CDC73: variants seen among roughly 807,000 people sequenced by gnomAD.
CDC73 encodes parafibromin.
Under a neutral mutation model 83.7 loss-of-function variants are expected in CDC73, and 21 were observed. The observed-to-expected ratio is 0.25, with a 90% CI of 0.18 to 0.36. CDC73 has a LOEUF of 0.36. Ranked by LOEUF, CDC73 falls within the 10% of genes least tolerant of loss-of-function variation. The probability of loss-of-function intolerance (pLI) is 1.00; values close to 1 mark genes in which losing one functional copy is unlikely to be tolerated. For synonymous variants in CDC73, 224 were observed against 212.9 expected, an observed-to-expected ratio of 1.05 and a Z score of -0.45; for missense variants, 342 against 653.3, an observed-to-expected ratio of 0.52 and a Z score of 5.19.
At chr1:193,203,408 T>G (rs1367563171) in intron 10 of CDC73, among the ~76,000 whole-genome samples, 2 of 152,208 alleles carry the variant, frequency 1.3e-5, no homozygotes, top group Non-Finnish European at 2.9e-5. Flanking sequence ...ATATATCATT[T>G]ATTTATTTTG....
At chr1:193,220,860 A>T (rs935091419) in intron 13 of CDC73, among the ~76,000 whole-genome samples, 6 of 152,332 alleles carry the variant, frequency 3.9e-5, no homozygotes, top group African/African-American at 1.4e-4. Flanking sequence ...AGATATGATA[A>T]TATAACAGAA....
chr1:193,172,807 A>G (rs901228755), intron 10 of CDC73, among the ~76,000 whole-genome samples: 2 of 152,174 alleles, frequency 1.3e-5, no homozygotes, highest in African/African-American at 2.4e-5. Context: ...ACTTAAGACT[A>G]TAAGATTATT....
At chr1:193,159,205 T>G (rs186134477) in intron 10 of CDC73, among the ~76,000 whole-genome samples, 2 of 152,232 alleles carry the variant, frequency 1.3e-5, no homozygotes, top group East Asian at 3.9e-4. Context: ...AGAGAGAACT[T>G]TATATTATGA....
intron 2 of CDC73, among the ~76,000 whole-genome samples, chr1:193,126,185 T>G (rs554786041): frequency 7.1e-4 from 108 of 152,370 alleles, no homozygotes; most frequent in African/African-American, 2.4e-3. Context: ...ACTTCAGAAC[T>G]CTAGTTTAAT....
At chr1:193,162,143 T>TCA (rs1676336357) in intron 10 of CDC73, among the ~76,000 whole-genome samples, 14 of 103,806 alleles carry the variant, frequency 1.3e-4, no homozygotes, top group African/African-American at 1.6e-4. Context: ...ATAATATATA[T>TCA]TATATATTAT....
chr1:193,200,189 A>G (rs1473641462), intron 10 of CDC73, among the ~76,000 whole-genome samples: 12 of 152,276 alleles, frequency 7.9e-5, no homozygotes, highest in Admixed American at 5.9e-4. Context: ...GCACCACTGC[A>G]CTGCAACCTG....
chr1:193,236,014 T>G (rs1193010587), intron 14 of CDC73, among the ~76,000 whole-genome samples: 1 of 152,214 alleles, frequency 6.6e-6, no homozygotes, highest in East Asian at 1.9e-4. Context: ...GAATTATGTT[T>G]AAAAGACTTA....
intron 11 of CDC73, 140 bp from the exon 12 acceptor site, chr1:193,211,925 T>A (rs529792161): frequency 1.4e-5 from 9 of 661,930 alleles, no homozygotes; most frequent in African/African-American, 1.1e-4. Flanking sequence ...GTTGAGAAGA[T>A]AGTTGTAAAA....
At chr1:193,149,301 A>G (rs1676064263) in intron 8 of CDC73, among the ~76,000 whole-genome samples, 1 of 151,920 alleles carries the variant, frequency 6.6e-6, no homozygotes, top group South Asian at 2.1e-4. Context: ...GTTCCACCTC[A>G]GATCCTCAGG....
intron 10 of CDC73, among the ~76,000 whole-genome samples, chr1:193,163,004 T>G (rs1374485755): frequency 6.6e-6 from 1 of 152,126 alleles, no homozygotes; most frequent in Non-Finnish European, 1.5e-5. Context: ...TCTGATAGGA[T>G]TATAATATTT....
chr1:193,147,568 C>T (rs1188560511), intron 7 of CDC73, among the ~76,000 whole-genome samples: 2 of 151,956 alleles, frequency 1.3e-5, no homozygotes. Flanking sequence ...GGGGTTTCAC[C>T]TGTGTTAGCC....
intron 13 of CDC73, among the ~76,000 whole-genome samples, chr1:193,225,011 T>A (rs1677541493): frequency 6.6e-6 from 1 of 152,036 alleles, no homozygotes; most frequent in South Asian, 2.1e-4. Flanking sequence ...ACCTGATTTG[T>A]AGTCTTTTAT....
intron 2 of CDC73, among the ~76,000 whole-genome samples, chr1:193,128,353 G>T (rs540160703): frequency 5.7e-4 from 87 of 152,072 alleles, no homozygotes; most frequent in Middle Eastern, 3.4e-3. Context: ...GAGTGCAGTG[G>T]CAGGATCTTG....
intron 11 of CDC73, among the ~76,000 whole-genome samples, chr1:193,211,350 G>A (rs371664208): frequency 4.6e-5 from 7 of 152,126 alleles, no homozygotes; most frequent in Admixed American, 1.3e-4. Flanking sequence ...TTTCTTCTTC[G>A]CAGTTACACG....
intron 10 of CDC73, among the ~76,000 whole-genome samples, chr1:193,177,249 C>T (rs1161392060): frequency 6.0e-5 from 9 of 148,848 alleles, no homozygotes; most frequent in Non-Finnish European, 8.9e-5. Context: ...CTCGGCCGGG[C>T]GCGGTGGCTC....
rs1335693644 is a variant in CDC73 at position 193,122,086 on chromosome 1, G to A, written c.-115G>A. ...GACGGCTGTTAGTGCTGCTGCTGTTGGTTCGTCGCGGCGGCGAAGGAGGAG... is the reference window on the plus strand; with the variant it reads ...GACGGCTGTTAGTGCTGCTGCTGTTAGTTCGTCGCGGCGGCGAAGGAGGAG... On this transcript the variant is annotated 5_prime_UTR_variant, in exon 1 of 17. Transcript: ENST00000367435. 2 of 982,204 alleles carry A rather than the reference G, an allele frequency of 2.0e-6. No homozygotes were observed. Among genetic ancestry groups the A allele is most frequent in the African/African-American group, 1.6e-5 (1 of 62,500 alleles). The allele number at this position is 982,204 out of a possible 1,614,324, so 60.8% of individuals were successfully genotyped here.
At chr1:193,189,723 G>A (rs989327476) in intron 10 of CDC73, among the ~76,000 whole-genome samples, 9 of 152,150 alleles carry the variant, frequency 5.9e-5, no homozygotes, top group Admixed American at 2.6e-4. Context: ...GACAGGAATT[G>A]TAATGCCTCC....
intron 1 of CDC73, 45 bp downstream of exon 1, chr1:193,122,376 G>C: frequency 6.2e-7 from 1 of 1,613,182 alleles, no homozygotes; most frequent in Non-Finnish European, 8.5e-7. Context: ...GGGCAGAGTT[G>C]GGCGCCCCCA....
At chr1:193,248,835 G>C (rs1057056350) in intron 15 of CDC73, among the ~76,000 whole-genome samples, 7 of 152,032 alleles carry the variant, frequency 4.6e-5, no homozygotes, top group African/African-American at 1.7e-4. Context: ...TGGATGAGGA[G>C]TTCCTTCTTA....
Sources: allele counts gnomAD v4.1 joint callset (sites outside exome capture counted in the v4.1 genomes callset), GRCh38; gene constraint gnomAD v4.1.1; transcripts MANE v1.5; gene names NCBI Gene and HGNC (gene_info 2026-07-23, HGNC 2026-07-21).